PSD3: variants seen among roughly 807,000 people sequenced by gnomAD.
PSD3 encodes the protein pleckstrin and Sec7 domain containing 3, also known as PH and SEC7 domain-containing protein 3.
In PSD3, 49 loss-of-function variants were observed where a neutral mutation model predicts 105.5. That is an observed-to-expected ratio of 0.46 (90% CI 0.37 to 0.59). PSD3 has a LOEUF of 0.59. Among genes scored for constraint, PSD3 ranks in the 20% least tolerant of loss-of-function variants. The pLI is 0.00. For missense variants in PSD3, 1,561 were observed against 1,263.8 expected (o/e 1.24, Z -3.57); for synonymous variants, 557 against 457.8 (o/e 1.22, Z -2.77).
chr8:18,847,417 T>A (rs1277326647), intron 4 of PSD3, among the ~76,000 whole-genome samples: 1 of 152,140 alleles, frequency 6.6e-6, no homozygotes. Flanking sequence ...ACTCTCTCCC[T>A]CCCTCCCCTT....
At chr8:18,843,146 G>A (rs1299485742) in intron 4 of PSD3, among the ~76,000 whole-genome samples, 1 of 152,094 alleles carries the variant, frequency 6.6e-6, no homozygotes, top group Non-Finnish European at 1.5e-5. Flanking sequence ...GGATCACGAG[G>A]TCAGGCGATC....
Position 18,593,891 on chromosome 8 carries a change from G to A in PSD3, c.2481+6473C>T, listed in dbSNP as rs1457557227. On this transcript the variant is annotated intron_variant, in intron 12 of 15. Coordinates refer to ENST00000327040, the MANE Select transcript of PSD3 (RefSeq NM_015310.4). Reference sequence around the variant, plus strand: ...TCACAAGGACAAAAAACCAAACACCGCATGCTCTCAGTCATAGGTGGGAAT... The same window carrying A: ...TCACAAGGACAAAAAACCAAACACCACATGCTCTCAGTCATAGGTGGGAAT... Among the ~76,000 whole-genome samples, 8 of 140,694 alleles carry A rather than the reference G, an allele frequency of 5.7e-5. No homozygotes were observed. In the East Asian group the frequency reaches 1.1e-3, roughly 19 times the overall value. 92.3% of individuals were successfully genotyped at this position (140,694 alleles called of 152,430 possible). A position where few individuals can be genotyped will look rare whatever the true frequency, so the allele number is the denominator to read the frequency against.
At chr8:18,929,844 TAG>T (rs1821621090) in intron 2 of PSD3, among the ~76,000 whole-genome samples, 1 of 152,076 alleles carries the variant, frequency 6.6e-6, no homozygotes, top group South Asian at 2.1e-4. Flanking sequence ...ATTGTTTATT[TAG>T]AGAGATTCAA....
chr8:19,022,656 A>G (rs1827400883), intron 1 of PSD3, among the ~76,000 whole-genome samples: 2 of 152,290 alleles, frequency 1.3e-5, no homozygotes, highest in South Asian at 4.2e-4. Flanking sequence ...TCCAGGAACC[A>G]TTTGGGATTT....
chr8:18,667,816 G>A (rs898469129), intron 9 of PSD3, among the ~76,000 whole-genome samples: 13 of 152,200 alleles, frequency 8.5e-5, no homozygotes, highest in Non-Finnish European at 1.3e-4. Context: ...CAGAGCCTCC[G>A]AGCCCTGCCC....
intron 15 of PSD3, 111 bp from the exon 16 acceptor site, chr8:18,536,069 C>G: frequency 9.7e-7 from 1 of 1,028,482 alleles, no homozygotes; most frequent in South Asian, 1.5e-5. Context: ...TTGAAGACTT[C>G]GCTTCATTTC....
At chr8:18,651,373 C>G (rs1205535126) in intron 10 of PSD3, among the ~76,000 whole-genome samples, 1 of 152,232 alleles carries the variant, frequency 6.6e-6, no homozygotes. Flanking sequence ...CATCAAGATG[C>G]CTCCTGCGCA....
At chr8:18,766,763 T>C (rs1171268594) in intron 8 of PSD3, among the ~76,000 whole-genome samples, 2 of 152,170 alleles carry the variant, frequency 1.3e-5, no homozygotes, top group East Asian at 1.9e-4. Context: ...ATATCAACAT[T>C]ATCTTGTGAC....
chr8:19,084,353 G>A (rs137917761), exon 1 of PSD3: 105 of 456,272 alleles, frequency 2.3e-4, no homozygotes, highest in African/African-American at 9.0e-4. Context: ...AGGTCTCGGC[G>A]CCTCTCCTCA....
chr8:18,796,373 A>T (rs1810178857), intron 8 of PSD3, among the ~76,000 whole-genome samples: 1 of 152,180 alleles, frequency 6.6e-6, no homozygotes. Context: ...GCTTCCATGA[A>T]CATTGTCTCA....
At chr8:18,863,613 A>G (rs759076567) in intron 4 of PSD3, among the ~76,000 whole-genome samples, 1 of 152,200 alleles carries the variant, frequency 6.6e-6, no homozygotes, top group Non-Finnish European at 1.5e-5. Flanking sequence ...GAAAGTAATG[A>G]CAAAAAACTT....
chr8:18,795,054 T>C (rs1810051226), intron 8 of PSD3, among the ~76,000 whole-genome samples: 1 of 152,184 alleles, frequency 6.6e-6, no homozygotes, highest in African/African-American at 2.4e-5. Flanking sequence ...AGAAAAGAAA[T>C]AATGAATTCT....
At chr8:18,878,354 C>T (rs1470355599) in intron 2 of PSD3, among the ~76,000 whole-genome samples, 1 of 152,038 alleles carries the variant, frequency 6.6e-6, no homozygotes, top group South Asian at 2.1e-4. Flanking sequence ...TTCTACATAC[C>T]AGATCATGTC....
chr8:19,019,407 T>C (rs546597693), intron 1 of PSD3, among the ~76,000 whole-genome samples: 1 of 152,306 alleles, frequency 6.6e-6, no homozygotes, highest in South Asian at 2.1e-4. Context: ...AAATATGCAT[T>C]TAAAGGAAAG....
At chr8:18,729,394 A>G (rs1338825517) in intron 9 of PSD3, among the ~76,000 whole-genome samples, 1 of 152,234 alleles carries the variant, frequency 6.6e-6, no homozygotes, top group Non-Finnish European at 1.5e-5. Context: ...CATACTCAAT[A>G]CCAAGTTCAA....
chr8:18,616,829 T>G (rs550202529), intron 11 of PSD3, among the ~76,000 whole-genome samples: 14 of 151,650 alleles, frequency 9.2e-5, no homozygotes, highest in African/African-American at 2.7e-4. Context: ...TTCACCGTTT[T>G]AGCCGGGATG....
chr8:18,617,533 AAAAC>A (rs779766431), intron 11 of PSD3, among the ~76,000 whole-genome samples: 17 of 152,338 alleles, frequency 1.1e-4, no homozygotes, highest in Middle Eastern at 3.4e-3. Flanking sequence ...CTCCATCTCA[AAAAC>A]AAACAAACAA....
intron 9 of PSD3, among the ~76,000 whole-genome samples, chr8:18,741,628 G>A (rs1322763934): frequency 5.3e-5 from 8 of 152,094 alleles, no homozygotes; most frequent in Admixed American, 1.3e-4. Context: ...AGCTACATAT[G>A]TCGGCACCTT....
chr8:18,558,556 C>T (rs1470309791), intron 14 of PSD3, among the ~76,000 whole-genome samples: 2 of 152,164 alleles, frequency 1.3e-5, no homozygotes, highest in Non-Finnish European at 2.9e-5. Context: ...TGTGGGGTGC[C>T]TCACGCCTGT....
Sources: allele counts gnomAD v4.1 joint callset (sites outside exome capture counted in the v4.1 genomes callset), GRCh38; gene constraint gnomAD v4.1.1; transcripts MANE v1.5; gene names NCBI Gene and HGNC (gene_info 2026-07-23, HGNC 2026-07-21).